Variants in GNPDA1 observed in about 807,000 individuals in gnomAD.
GNPDA1 encodes GNPDA 1.
GNPDA1 carries 24 observed loss-of-function variants against 28.5 expected under a neutral mutation model. The observed-to-expected ratio is 0.84, with a 90% CI of 0.61 to 1.19. The LOEUF (loss-of-function observed/expected upper bound fraction) is 1.19, where lower values mean the gene tolerates loss of function less well. GNPDA1 is among the 50% of genes most tolerant of loss of function. The pLI, the probability that GNPDA1 is intolerant of heterozygous loss-of-function variation, is 0.00. For missense variants in GNPDA1, 264 were observed against 367.3 expected (o/e 0.72, Z 2.30); for synonymous variants, 147 against 139.3 (o/e 1.06, Z -0.39).
chr5:142,012,183 C>T (rs1286660873), intron 1 of GNPDA1, 142 bp from the exon 2 acceptor site: 2 of 774,434 alleles, frequency 2.6e-6, no homozygotes, highest in African/African-American at 3.5e-5. Flanking sequence ...CCTTTCTATT[C>T]ACAGAGGAGC....
chr5:142,001,768 A>G lies in GNPDA1; in HGVS notation c.*261T>C, dbSNP rs1314564816. 3.2e-6 allele frequency: 1 copy of G among 311,670 alleles called. No individual in the cohort carries two copies. The highest frequency in any genetic ancestry group is 5.9e-6 in the Non-Finnish European group (1 of 170,704). 19.3% of individuals were successfully genotyped at this position (311,670 alleles called of 1,614,324 possible). A position where few individuals can be genotyped will look rare whatever the true frequency, so the allele number is the denominator to read the frequency against. On this transcript the variant is annotated 3_prime_UTR_variant, in exon 7 of 7. Coordinates refer to ENST00000311337, the MANE Select transcript of GNPDA1 (RefSeq NM_005471.5). ...GGCTGAAGCAGAACAAAAAGTTTAA[A>G]ACTCCCAACCTGGGTTTGGCAGACA...
chr5:142,007,857 A>G lies in GNPDA1; in HGVS notation c.168T>C (p.Tyr56=). The change falls in exon 3 of 7, where the codon TAT becomes TAC. Residue 56 remains tyrosine (Y), a synonymous_variant. Coordinates refer to ENST00000311337, the MANE Select transcript of GNPDA1 (RefSeq NM_005471.5). Reference sequence around the variant, plus strand: ...ATTTAAAGGACAGGTCCCCATTCTTATAGTATTCAATCAGCTTCTTGTAGC... The same window carrying G: ...ATTTAAAGGACAGGTCCCCATTCTTGTAGTATTCAATCAGCTTCTTGTAGC... ...LGCYKKLIEY[Y]KNGDLSFKYV... 6.2e-7 allele frequency: 1 copy of G among 1,612,970 alleles called. No homozygotes were observed. Among genetic ancestry groups the G allele is most frequent in the South Asian group, 1.1e-5 (1 of 91,052 alleles).
rs745454185 is a variant in GNPDA1 at position 142,012,053 on chromosome 5, G to C, written c.-6-12C>G. The C allele has an allele frequency of 3.8e-6, 6 of 1,579,374 alleles. No individual in the cohort carries two copies. Among genetic ancestry groups the C allele is most frequent in the Non-Finnish European group, 5.2e-6 (6 of 1,152,334 alleles). Reference sequence around the variant, plus strand: ...AGCTTCATCTTGTCCTGCAGTGGGGGAGAGGGGATGACAGAAAGGAATCAA... The same window carrying C: ...AGCTTCATCTTGTCCTGCAGTGGGGCAGAGGGGATGACAGAAAGGAATCAA... On this transcript the variant is annotated splice_polypyrimidine_tract_variant and intron_variant, in intron 1 of 6. Coordinates refer to ENST00000311337, the MANE Select transcript of GNPDA1 (RefSeq NM_005471.5).
chr5:142,007,796 C>A lies in GNPDA1; in HGVS notation c.226+3G>T, dbSNP rs1179259863. The A allele has an allele frequency of 6.5e-7, 1 of 1,535,230 alleles. No individual in the cohort carries two copies. The highest frequency in any genetic ancestry group is 9.0e-7 in the Non-Finnish European group (1 of 1,108,600). On this transcript the variant is annotated splice_donor_region_variant and intron_variant, in intron 3 of 6. Transcript: ENST00000311337. The stretch of plus-strand genomic sequence containing the variant: ...GAAAGAACCTTGAAAGAGAAAGACT[C>A]ACCCACGTACTCATCCATGTTGAAG...
intron 1 of GNPDA1, 144 bp from the exon 2 acceptor site, chr5:142,012,185 C>G: frequency 1.3e-6 from 1 of 770,920 alleles, no homozygotes; most frequent in Non-Finnish European, 2.0e-6. Flanking sequence ...TTTCTATTCA[C>G]AGAGGAGCTA....
rs766200160 is a variant in GNPDA1, at chr5:142,006,216, C to T, written c.337G>A (p.Asp113Asn). ...NTHILDGNAV[D>N]LQAECDAFEE... ...AAGGCATCACATTCTGCCTGTAGGT[C>T]GACTGCATTCCCATCCAGAATGTGG... The change falls in exon 4 of 7, where the codon GAC becomes AAC. Residue 113 changes from aspartate to asparagine, a missense_variant. By Grantham distance (23) the Asp-to-Asn change is conservative (BLOSUM62 1). Transcript: ENST00000311337. 52 of 1,613,896 alleles carry T rather than the reference C, an allele frequency of 3.2e-5. 2 individuals are homozygous for T. The Admixed American group carries it at 8.3e-4, about 26-fold the overall frequency.
intron 2 of GNPDA1, 101 bp downstream of exon 2, chr5:142,011,811 G>T: frequency 1.5e-6 from 2 of 1,339,148 alleles, no homozygotes; most frequent in South Asian, 1.2e-5. Context: ...GTACCCCAGA[G>T]CCCCCGTGAA....
At chr5:142,002,179 T>G (rs564625239) in intron 6 of GNPDA1, 50 bp from the exon 7 acceptor site, 1 of 926,136 alleles carries the variant, frequency 1.1e-6, no homozygotes, top group African/African-American at 1.6e-5. Context: ...GTGGCAAGAG[T>G]TCCTTGATTA....
In GNPDA1 at chr5:142,007,822, GTC is replaced by G. The variant is rs1348883246; in HGVS notation, c.201_202del (p.Lys67AsnfsTer6). 6.2e-7 allele frequency: 1 copy of G among 1,605,246 alleles called. No homozygotes were observed. The highest frequency in any genetic ancestry group is 1.7e-5 in the Admixed American group (1 of 60,006). On this transcript the variant is annotated frameshift_variant, in exon 3 of 7. Coordinates refer to ENST00000311337, the MANE Select transcript of GNPDA1 (RefSeq NM_005471.5). LOFTEE classifies it high-confidence loss of function. Reference sequence around the variant, plus strand: ...ACCCACGTACTCATCCATGTTGAAGGTCTTCACATATTTAAAGGACAGGTCCC... The same window carrying G: ...ACCCACGTACTCATCCATGTTGAAGGTTCACATATTTAAAGGACAGGTCCC...
At chr5:142,009,711 C>A (rs1755897606) in intron 2 of GNPDA1, among the ~76,000 whole-genome samples, 1 of 152,154 alleles carries the variant, frequency 6.6e-6, no homozygotes, top group Non-Finnish European at 1.5e-5. Flanking sequence ...TCTAGCCTTC[C>A]CATGAATTCT....
At position 142,003,358 on chromosome 5, in the gene GNPDA1, G is replaced by A; in HGVS notation, c.595-96C>T. 1 of 808,644 alleles carries A rather than the reference G, an allele frequency of 1.2e-6. No homozygotes were observed. Among genetic ancestry groups the A allele is most frequent in the Non-Finnish European group, 2.0e-6 (1 of 502,936 alleles). The allele number at this position is 808,644 out of a possible 1,614,324, so 50.1% of individuals were successfully genotyped here. On this transcript the variant is annotated intron_variant, in intron 5 of 6. Transcript: ENST00000311337. This position sits in a 1 kb window ranked among gnomAD's most constrained non-coding sequence, Gnocchi z 4.0. ...TGTTTTTCATATCACATTGTAAGTGGTTACCATGCAACATACTTTTGCTCA... is the reference window on the plus strand; with the variant it reads ...TGTTTTTCATATCACATTGTAAGTGATTACCATGCAACATACTTTTGCTCA...
chr5:142,012,086 G>A, intron 1 of GNPDA1, 45 bp from the exon 2 acceptor site: 1 of 1,551,158 alleles, frequency 6.4e-7, no homozygotes, highest in Non-Finnish European at 8.8e-7. Context: ...CAATGGTAAG[G>A]GGCAGAGAAA....
At chr5:142,010,201 C>T (rs1053914767) in intron 2 of GNPDA1, among the ~76,000 whole-genome samples, 3 of 152,216 alleles carry the variant, frequency 2.0e-5, no homozygotes, top group Non-Finnish European at 2.9e-5. Flanking sequence ...CGCTGTCACC[C>T]AAGCTGGAGT....
Position 142,011,984 on chromosome 5 carries a change from T to G in GNPDA1, c.52A>C (p.Lys18Gln). 6.2e-7 allele frequency: 1 copy of G among 1,612,900 alleles called. No homozygotes were observed. Among genetic ancestry groups the G allele is most frequent in the Non-Finnish European group, 8.5e-7 (1 of 1,178,972 alleles). The change falls in exon 2 of 7, where the codon AAA becomes CAA. Residue 18 changes from lysine (K) to glutamine (Q), a missense_variant. Transcript: ENST00000311337. ...HYSQASEWAA[K>Q]YIRNRIIQFN... is the part of the protein sequence containing the mutation. ...TGGATGATGCGGTTCCTGATGTATT[T>G]AGCCGCCCACTCGCTCGCCTGAGAA...
In GNPDA1 at chr5:142,003,044, A is replaced by T. The variant is rs1261069422; in HGVS notation, c.769+44T>A. 2 of 1,534,666 alleles carry T rather than the reference A, an allele frequency of 1.3e-6. No homozygotes were observed. The highest frequency in any genetic ancestry group is 2.4e-5 in the South Asian group (2 of 82,930). Reference sequence around the variant, plus strand: ...TGGATCTACTCCTTACTCCTAGCACACCCTAAGCTTGACCACCTCCTCCTG... The same window carrying T: ...TGGATCTACTCCTTACTCCTAGCACTCCCTAAGCTTGACCACCTCCTCCTG... On this transcript the variant is annotated intron_variant, in intron 6 of 6. Transcript: ENST00000311337. This position sits in a 1 kb window ranked among gnomAD's most constrained non-coding sequence, Gnocchi z 4.0.
intron 2 of GNPDA1, among the ~76,000 whole-genome samples, chr5:142,009,657 T>C (rs1005763735): frequency 6.6e-6 from 1 of 152,112 alleles, no homozygotes; most frequent in East Asian, 1.9e-4. Context: ...GCCTTAGCTA[T>C]GCCTGAGCCA....
At chr5:142,010,464 G>A (rs1755917423) in intron 2 of GNPDA1, among the ~76,000 whole-genome samples, 1 of 149,482 alleles carries the variant, frequency 6.7e-6, no homozygotes, top group Admixed American at 6.6e-5. Flanking sequence ...CGGCCCTGTG[G>A]CCTGTTTTTA....
intron 2 of GNPDA1, among the ~76,000 whole-genome samples, 174 bp from the exon 3 acceptor site, chr5:142,008,074 T>C (rs926023013): frequency 1.3e-5 from 2 of 152,202 alleles, no homozygotes; most frequent in Non-Finnish European, 2.9e-5. Context: ...TAATGCCTAT[T>C]TTGCCACTAG....
chr5:142,004,913 G>A lies in GNPDA1; in HGVS notation c.594+19C>T, dbSNP rs1475467232. On this transcript the variant is annotated intron_variant, in intron 5 of 6. Transcript: ENST00000311337. ...GACAAGTCCACCAGCGCAAGCTGGT[G>A]GGGCCCTTATGCCCTTACCTCTCTA... 1 of 1,548,594 alleles carries A rather than the reference G, an allele frequency of 6.5e-7. No individual in the cohort carries two copies. Among genetic ancestry groups the A allele is most frequent in the Admixed American group, 1.8e-5 (1 of 55,632 alleles).
Sources: allele counts gnomAD v4.1 joint callset (sites outside exome capture counted in the v4.1 genomes callset), GRCh38; gene constraint gnomAD v4.1.1; non-coding constraint Gnocchi (gnomAD v3.1); transcripts MANE v1.5; gene names NCBI Gene and HGNC (gene_info 2026-07-23, HGNC 2026-07-21).